CCDC134: variants seen among roughly 807,000 people sequenced by gnomAD.
The protein encoded by CCDC134 is coiled-coil domain containing 134.
A neutral mutation model predicts 25.6 loss-of-function variants in CCDC134; 27 were observed. The ratio of observed to expected loss-of-function variants is 1.05; its 90% CI spans 0.78 to 1.45. CCDC134 has a LOEUF of 1.45. Among genes scored for constraint, CCDC134 ranks in the 40% most tolerant of loss-of-function variants. The probability of loss-of-function intolerance (pLI) is 0.00; values close to 1 mark genes in which losing one functional copy is unlikely to be tolerated. For synonymous variants in CCDC134, 110 were observed against 115.0 expected (o/e 0.96, Z 0.28); for missense variants, 261 against 286.7 (o/e 0.91, Z 0.65).
chr22:41,813,368 C>G lies in CCDC134; in HGVS notation c.415C>G (p.Leu139Val). 6.2e-7 allele frequency: 1 copy of G among 1,614,202 alleles called. No individual in the cohort carries two copies. Among genetic ancestry groups the G allele is most frequent in the Non-Finnish European group, 8.5e-7 (1 of 1,180,040 alleles). Reference sequence around the variant, plus strand: ...TGACCACAACTCCAACTGGAACCTCCTCATCCGCTGGGGTATCAGTTTCTG... The same window carrying G: ...TGACCACAACTCCAACTGGAACCTCGTCATCCGCTGGGGTATCAGTTTCTG... ...YFDHNSNWNLLIRWGISFCNQ... is the reference protein window; with the variant it reads ...YFDHNSNWNLVIRWGISFCNQ... Residue 139 changes from leucine (L) to valine (V), a missense_variant, in exon 5 of 7, where the codon CTC (leucine) becomes GTC (valine). Leu to Val is a conservative substitution (Grantham distance 32). Transcript: ENST00000255784.
intron 6 of CCDC134, among the ~76,000 whole-genome samples, chr22:41,821,986 G>A (rs906082729): frequency 1.3e-5 from 2 of 152,160 alleles, no homozygotes; most frequent in African/African-American, 4.8e-5. Context: ...GAGAGCAGGA[G>A]GATGAGCGGA....
At chr22:41,804,958 T>G (rs1189109010) in intron 1 of CCDC134, among the ~76,000 whole-genome samples, 2 of 152,160 alleles carry the variant, frequency 1.3e-5, no homozygotes, top group Non-Finnish European at 2.9e-5. Flanking sequence ...TGATCCCAGT[T>G]ACTGGGGAGG....
At chr22:41,803,062 C>T (rs1424220366) in intron 1 of CCDC134, among the ~76,000 whole-genome samples, 16 of 151,972 alleles carry the variant, frequency 1.1e-4, no homozygotes, top group Admixed American at 9.2e-4. Flanking sequence ...TGCGGTGAGC[C>T]GAGATCGCAC....
In CCDC134 at chr22:41,817,333, G is replaced by C. The variant is rs2076627265; in HGVS notation, c.564+3511G>C. Among the ~76,000 whole-genome samples, 3 of 152,168 alleles carry C rather than the reference G, an allele frequency of 2.0e-5. No individual in the cohort carries two copies. The South Asian group carries it at 6.2e-4, about 31-fold the overall frequency. ...TTGATCAGCAGTTTGACTCCATTTG[G>C]TCTTTTCAGAGATTGAGCTTTATGA... On this transcript the variant is annotated intron_variant, in intron 6 of 6. Coordinates refer to ENST00000255784, the MANE Select transcript of CCDC134 (RefSeq NM_024821.5).
Position 41,810,209 on chromosome 22 carries a change from G to A in CCDC134, c.228G>A (p.Val76=). 1 of 1,613,852 alleles carries A rather than the reference G, an allele frequency of 6.2e-7. No individual in the cohort carries two copies. Among genetic ancestry groups the A allele is most frequent in the Non-Finnish European group, 8.5e-7 (1 of 1,179,868 alleles). ...CAGCCCTGGCGGGATTCCCTCAGGTGCTGGAGGACTCCCGGACAGTGCTCA... is the reference window on the plus strand; with the variant it reads ...CAGCCCTGGCGGGATTCCCTCAGGTACTGGAGGACTCCCGGACAGTGCTCA... ...LDVMLKGLFK[V]LEDSRTVLTA... The change falls in exon 4 of 7, where the codon GTG becomes GTA. Residue 76 remains valine (V), a splice_region_variant and synonymous_variant. Transcript: ENST00000255784.
At chr22:41,819,787 C>G (rs1306706220) in intron 6 of CCDC134, among the ~76,000 whole-genome samples, 2 of 151,240 alleles carry the variant, frequency 1.3e-5, no homozygotes, top group Non-Finnish European at 2.9e-5. Context: ...GAAGAACATT[C>G]CAGGCTGAAG....
intron 6 of CCDC134, among the ~76,000 whole-genome samples, chr22:41,821,899 C>T (rs2076654079): frequency 6.6e-6 from 1 of 152,108 alleles, no homozygotes. Context: ...TACTTTCATC[C>T]TCTCTGTGAG....
In CCDC134 at chr22:41,831,771, T is replaced by G. The variant is rs139216654; in HGVS notation, c.*5948T>G. 11 of 149,682 alleles carry G rather than the reference T, an allele frequency of 7.3e-5. No homozygotes were observed. Among genetic ancestry groups the G allele is most frequent in the Admixed American group, 1.3e-4 (2 of 14,816 alleles). The allele number at this position is 149,682 out of a possible 1,614,324, so 9.3% of individuals were successfully genotyped here. On this transcript the variant is annotated 3_prime_UTR_variant, in exon 7 of 7. Transcript: ENST00000255784. Reference sequence around the variant, plus strand: ...ACTTGTACCATCATCTGTAATTTATTTTTATGTTTAATACGGGTGTGGGAT... The same window carrying G: ...ACTTGTACCATCATCTGTAATTTATGTTTATGTTTAATACGGGTGTGGGAT...
At position 41,829,100 on chromosome 22, in the gene CCDC134, C is replaced by T. The variant is rs2076693041; in HGVS notation, c.*3277C>T. Among the ~76,000 whole-genome samples the T allele has an allele frequency of 6.6e-6, 1 of 152,074 alleles. No homozygotes were observed. The highest frequency in any genetic ancestry group is 6.5e-5 in the Admixed American group (1 of 15,274). On this transcript the variant is annotated 3_prime_UTR_variant, in exon 7 of 7. Coordinates refer to ENST00000255784, the MANE Select transcript of CCDC134 (RefSeq NM_024821.5). ...CTCCCTGCCAGGTGCCTGTAGCAGT[C>T]CCCCAGTTACGACAACCAAAAATGT... is the stretch of plus-strand genomic sequence containing the variant.
Position 41,830,884 on chromosome 22 carries a change from CTT to C in CCDC134, c.*5082_*5083del, listed in dbSNP as rs67246997. The stretch of plus-strand genomic sequence containing the variant: ...AGATCCTTATTTTTTCTTTTCTTTT[CTT>C]TTTTTTTTTTTTTTTTTTTTGAGAC... On this transcript the variant is annotated 3_prime_UTR_variant, in exon 7 of 7. Transcript: ENST00000255784. Among the ~76,000 whole-genome samples the C allele has an allele frequency of 0.36, 42,048 of 117,410 alleles. 6,714 individuals are homozygous for C. The highest frequency in any genetic ancestry group is 0.44 in the South Asian group (1,740 of 3,966). 77.0% of individuals were successfully genotyped at this position (117,410 alleles called of 152,430 possible). A position where few individuals can be genotyped will look rare whatever the true frequency, so the allele number is the denominator to read the frequency against.
chr22:41,813,205 G>T, intron 4 of CCDC134, 59 bp from the exon 5 acceptor site: 3 of 1,562,036 alleles, frequency 1.9e-6, no homozygotes, highest in African/African-American at 2.7e-5. Flanking sequence ...GATGCCAGGG[G>T]CCAGTGAGGC....
In CCDC134 at chr22:41,828,510, T is replaced by C. The variant is rs1253826099; in HGVS notation, c.*2687T>C. Among the ~76,000 whole-genome samples the C allele has an allele frequency of 1.3e-5, 2 of 152,188 alleles. No individual in the cohort carries two copies. The highest frequency in any genetic ancestry group is 2.4e-5 in the African/African-American group (1 of 41,442). ...TACCGTCATCCTCTCTCCAACCTGG[T>C]TAATCCTGTCCTTTCTGCCCTCAAA... On this transcript the variant is annotated 3_prime_UTR_variant, in exon 7 of 7. Transcript: ENST00000255784.
intron 1 of CCDC134, among the ~76,000 whole-genome samples, chr22:41,804,994 T>C (rs1004355182): frequency 2.0e-5 from 3 of 152,170 alleles, no homozygotes; most frequent in African/African-American, 7.2e-5. Context: ...CACTTGAACC[T>C]GGGAGGTGGA....
chr22:41,809,773 G>T, intron 2 of CCDC134, 106 bp from the exon 3 acceptor site: 1 of 1,454,256 alleles, frequency 6.9e-7, no homozygotes, highest in South Asian at 1.3e-5. Context: ...GGGTGTCCAT[G>T]GCCCTTGCAG....
At chr22:41,808,673 C>T (rs557516465) in intron 1 of CCDC134, among the ~76,000 whole-genome samples, 1 of 152,310 alleles carries the variant, frequency 6.6e-6, no homozygotes, top group East Asian at 1.9e-4. Context: ...ATCTTTCTCC[C>T]CACCTCCTAG....
chr22:41,816,426 C>A (rs1485802586), intron 6 of CCDC134, among the ~76,000 whole-genome samples: 2 of 152,208 alleles, frequency 1.3e-5, no homozygotes, highest in Non-Finnish European at 2.9e-5. Flanking sequence ...TTAGACACAG[C>A]AGAATAGCTC....
At chr22:41,817,083 T>C (rs1015347908) in intron 6 of CCDC134, among the ~76,000 whole-genome samples, 3 of 152,152 alleles carry the variant, frequency 2.0e-5, no homozygotes, top group African/African-American at 7.2e-5. Context: ...ATCTCTTCTC[T>C]TTACCCACAT....
At position 41,826,510 on chromosome 22, in the gene CCDC134, GA is replaced by G. The variant is rs975122904; in HGVS notation, c.*690del. Reference sequence around the variant, plus strand: ...GACCTGGAAGTGCCCTGGGACCTGGGAAACATTTAGCTCAAGAAGACCTTGG... The same window carrying G: ...GACCTGGAAGTGCCCTGGGACCTGGGAACATTTAGCTCAAGAAGACCTTGG... On this transcript the variant is annotated 3_prime_UTR_variant, in exon 7 of 7. Transcript: ENST00000255784. 1.3e-5 allele frequency among the ~76,000 whole-genome samples: 2 copies of G among 152,232 alleles called. No individual in the cohort carries two copies. Among genetic ancestry groups the G allele is most frequent in the Non-Finnish European group, 2.9e-5 (2 of 68,040 alleles).
chr22:41,817,647 G>A (rs758929989), intron 6 of CCDC134, among the ~76,000 whole-genome samples: 2 of 151,964 alleles, frequency 1.3e-5, no homozygotes, highest in Non-Finnish European at 2.9e-5. Context: ...CAGGAGAATC[G>A]CTTGAACCCG....
Sources: allele counts gnomAD v4.1 joint callset (sites outside exome capture counted in the v4.1 genomes callset), GRCh38; gene constraint gnomAD v4.1.1; transcripts MANE v1.5; gene names NCBI Gene and HGNC (gene_info 2026-07-23, HGNC 2026-07-21).